Variants in CRB2 observed in about 807,000 individuals in gnomAD.
The protein encoded by CRB2 is protein crumbs homolog 2.
A neutral mutation model predicts 110.9 loss-of-function variants in CRB2; 85 were observed. The observed-to-expected ratio is 0.77, with a 90% CI of 0.64 to 0.92. The LOEUF is 0.92. CRB2 is among the 40% of genes least tolerant of loss of function. CRB2 has a pLI of 0.00. For missense variants in CRB2, 1,843 were observed against 1,851.3 expected (o/e 1.00, Z 0.08); for synonymous variants, 907 against 831.0 (o/e 1.09, Z -1.57).
At chr9:123,368,807 C>A in intron 6 of CRB2, 1 of 1,207,508 alleles carries the variant, frequency 8.3e-7, no homozygotes, top group Non-Finnish European at 1.1e-6. Flanking sequence ...AAGGAGGCAG[C>A]TGGGCCAGGC....
Position 123,370,996 on chromosome 9 carries a change from G to C in CRB2, c.1927+16G>C. ...TGCGCTGATGGTGAGGAATAAGCCA[G>C]GTGGGAAGGCAGCACCTGAGATCTG... On this transcript the variant is annotated intron_variant, in intron 7 of 12. Transcript: ENST00000373631. 1 of 1,597,900 alleles carries C rather than the reference G, an allele frequency of 6.3e-7. No individual in the cohort carries two copies. The highest frequency in any genetic ancestry group is 2.2e-5 in the East Asian group (1 of 44,678).
chr9:123,373,694 C>G lies in CRB2; in HGVS notation c.3163C>G (p.Arg1055Gly), dbSNP rs760052936. 1 of 1,484,658 alleles carries G rather than the reference C, an allele frequency of 6.7e-7. No homozygotes were observed. The highest frequency in any genetic ancestry group is 8.9e-7 in the Non-Finnish European group (1 of 1,128,960). 92.0% of individuals were successfully genotyped at this position (1,484,658 alleles called of 1,614,324 possible). The change falls in exon 10 of 13, where the codon CGC (arginine) becomes GGC (glycine). Residue 1055 changes from arginine to glycine, a missense_variant. Coordinates refer to ENST00000373631, the MANE Select transcript of CRB2 (RefSeq NM_173689.7). The part of the protein sequence containing the change: ...PGTPAPILGC[R>G]GAPVCAPSPC... ...GACGCCGGCCCCGATCCTCGGCTGC[C>G]GCGGCGCGCCCGTGTGTGCGCCCTC...
At chr9:123,360,430 C>T (rs929786544) in intron 1 of CRB2, among the ~76,000 whole-genome samples, 1 of 152,196 alleles carries the variant, frequency 6.6e-6, no homozygotes, top group Non-Finnish European at 1.5e-5. Flanking sequence ...GGGGACAGCC[C>T]CTCCTCCGCC....
At position 123,370,530 on chromosome 9, in the gene CRB2, C is replaced by T. The variant is rs1333576383; in HGVS notation, c.1477C>T (p.Leu493Phe). The change falls in exon 7 of 13, where the codon CTT becomes TTT. Residue 493 changes from leucine to phenylalanine, a missense_variant. Physicochemically the swap from Leu to Phe is conservative, Grantham distance 22. Transcript: ENST00000373631. ...GGAGCTGGCATTGGTGGCAGCCACACTTCAGGCCACACTCTGGAGCTACAG... is the reference window on the plus strand; with the variant it reads ...GGAGCTGGCATTGGTGGCAGCCACATTTCAGGCCACACTCTGGAGCTACAG... ...SLELALVAAT[L>F]QATLWSYSTT... 1 of 1,613,616 alleles carries T rather than the reference C, an allele frequency of 6.2e-7. No individual in the cohort carries two copies. The highest frequency in any genetic ancestry group is 8.5e-7 in the Non-Finnish European group (1 of 1,180,038).
chr9:123,359,441 GTTTTT>G (rs375773781), intron 1 of CRB2, among the ~76,000 whole-genome samples: 11 of 94,442 alleles, frequency 1.2e-4, no homozygotes, highest in African/African-American at 5.8e-4. Context: ...TTTTTGTTTT[GTTTTT>G]TTTTTTTTTT....
upstream of CRB2, among the ~76,000 whole-genome samples, chr9:123,354,686 CTG>C (rs1297962803): frequency 2.0e-5 from 3 of 152,180 alleles, no homozygotes; most frequent in Non-Finnish European, 4.4e-5. Context: ...TAAAGATGGA[CTG>C]AGAGAGGTTA....
At chr9:123,376,810 T>A in intron 12 of CRB2, 28 bp from the exon 13 acceptor site, 1 of 1,585,396 alleles carries the variant, frequency 6.3e-7, no homozygotes, top group Non-Finnish European at 8.6e-7. Context: ...CTCTGCGGTC[T>A]TAGGCCTCGG....
intron 2 of CRB2, among the ~76,000 whole-genome samples, chr9:123,364,389 G>A (rs1195092579): frequency 6.6e-6 from 1 of 152,140 alleles, no homozygotes; most frequent in Non-Finnish European, 1.5e-5. Flanking sequence ...TGTGCATCCG[G>A]ATGTGTAGCA....
intron 1 of CRB2, among the ~76,000 whole-genome samples, chr9:123,360,495 C>T (rs1167249276): frequency 6.6e-6 from 1 of 152,120 alleles, no homozygotes; most frequent in Non-Finnish European, 1.5e-5. Context: ...CCTGGGCTAT[C>T]GTGGCCTCCT....
Position 123,363,199 on chromosome 9 carries a change from G to C in CRB2, c.418+11G>C. On this transcript the variant is annotated intron_variant, in intron 2 of 12. Coordinates refer to ENST00000373631, the MANE Select transcript of CRB2 (RefSeq NM_173689.7). ...CCCTTGGCTATGCAGGTAACAGCCTGGGCCGCCCTGGGAGGAGGTCTGTAA... is the reference window on the plus strand; with the variant it reads ...CCCTTGGCTATGCAGGTAACAGCCTCGGCCGCCCTGGGAGGAGGTCTGTAA... The C allele has an allele frequency of 6.3e-7, 1 of 1,588,190 alleles. No individual in the cohort carries two copies. The highest frequency in any genetic ancestry group is 8.6e-7 in the Non-Finnish European group (1 of 1,165,392).
In CRB2 at chr9:123,370,923, T is replaced by C; in HGVS notation, c.1870T>C (p.Trp624Arg). The change falls in exon 7 of 13, where the codon TGG becomes CGG. Residue 624 changes from tryptophan to arginine, a missense_variant. Physicochemically the swap from Trp to Arg is moderately radical, Grantham distance 101. Transcript: ENST00000373631. The part of the protein sequence containing the change: ...CVHGGSCVDL[W>R]THFRCDCARP... The stretch of plus-strand genomic sequence containing the variant: ...CCACGGAGGGTCCTGTGTGGATCTG[T>C]GGACTCATTTCCGTTGCGACTGTGC... 1 of 1,611,198 alleles carries C rather than the reference T, an allele frequency of 6.2e-7. No homozygotes were observed. Among genetic ancestry groups the C allele is most frequent in the Non-Finnish European group, 8.5e-7 (1 of 1,178,656 alleles).
rs753016438 is a variant in CRB2 at position 123,367,598 on chromosome 9, C to G, written c.966C>G (p.Asp322Glu). 3 of 1,562,324 alleles carry G rather than the reference C, an allele frequency of 1.9e-6. No individual in the cohort carries two copies. Among genetic ancestry groups the G allele is most frequent in the Non-Finnish European group, 2.6e-6 (3 of 1,154,234 alleles). ...FEGADCGVEV[D>E]ECASRPCLNG... is the part of the protein sequence containing the mutation. ...GAGCCGACTGCGGTGTGGAGGTGGACGAGTGTGCCTCACGGCCATGCCTCA... is the reference window on the plus strand; with the variant it reads ...GAGCCGACTGCGGTGTGGAGGTGGAGGAGTGTGCCTCACGGCCATGCCTCA... The change falls in exon 6 of 13, where the codon GAC (aspartate) becomes GAG (glutamate). Residue 322 changes from aspartate to glutamate, a missense_variant. Transcript: ENST00000373631.
At position 123,365,807 on chromosome 9, in the gene CRB2, CTGAA is replaced by C; in HGVS notation, c.419-100_419-97del. On this transcript the variant is annotated intron_variant, in intron 2 of 12. Transcript: ENST00000373631. ...CAACCACCACCACCACCATCCGGCT[CTGAA>C]TGAATGAATCCACGAGTCTCTAACT... 7.0e-6 allele frequency: 7 copies of C among 995,484 alleles called. 1 individual carries two copies. In the South Asian group the frequency reaches 1.1e-4, roughly 16 times the overall value. The allele number at this position is 995,484 out of a possible 1,614,324, so 61.7% of individuals were successfully genotyped here. A position where few individuals can be genotyped will look rare whatever the true frequency, so the allele number is the denominator to read the frequency against.
intron 6 of CRB2, 66 bp downstream of exon 6, chr9:123,367,752 C>T: frequency 9.3e-7 from 1 of 1,078,760 alleles, no homozygotes. Context: ...AAGGTCCCTT[C>T]TGTCTGGATG....
At chr9:123,374,723 GGAGGTCCAAT>G (rs1564379055) in intron 11 of CRB2, 28 bp downstream of exon 11, 2 of 1,532,976 alleles carry the variant, frequency 1.3e-6, no homozygotes, top group Non-Finnish European at 1.8e-6. Flanking sequence ...GGAACTGTGA[GGAGGTCCAAT>G]GAATGTGGAG....
intron 4 of CRB2, among the ~76,000 whole-genome samples, chr9:123,366,700 C>T (rs1166782504): frequency 6.6e-6 from 1 of 152,130 alleles, no homozygotes; most frequent in Non-Finnish European, 1.5e-5. Flanking sequence ...AGCCTGTAAT[C>T]CCAGCACTTT....
In CRB2 at chr9:123,378,270, A is replaced by T. The variant is rs543676287; in HGVS notation, c.*1208A>T. The T allele has an allele frequency of 3.3e-4, 50 of 152,396 alleles. No individual in the cohort carries two copies. The highest frequency in any genetic ancestry group is 9.1e-4 in the African/African-American group (38 of 41,580). 9.4% of individuals were successfully genotyped at this position (152,396 alleles called of 1,614,324 possible). ...CTTGCTCCCAGCCCCTTCCCCGGCG[A>T]TGCCCATCACACTGTGACCTCCCAT... On this transcript the variant is annotated 3_prime_UTR_variant, in exon 13 of 13. Coordinates refer to ENST00000373631, the MANE Select transcript of CRB2 (RefSeq NM_173689.7).
chr9:123,361,887 T>C (rs990916410), intron 1 of CRB2, among the ~76,000 whole-genome samples: 1 of 151,610 alleles, frequency 6.6e-6, no homozygotes, highest in African/African-American at 2.4e-5. Flanking sequence ...CTGGGCATTG[T>C]GGTGACAAGG....
chr9:123,367,417 G>GGGCCCCCCCCCCCCC, intron 5 of CRB2, 60 bp downstream of exon 5: 1 of 1,269,252 alleles, frequency 7.9e-7, no homozygotes, highest in Non-Finnish European at 1.0e-6. Context: ...GGGATCTTGT[G>GGGCCCCCCCCCCCCC]CCCACCCCCC....
Sources: gnomAD v4.1 joint callset for allele counts (sites outside exome capture counted in the v4.1 genomes callset) on GRCh38, gnomAD v4.1.1 for gene constraint, MANE v1.5 for transcripts, NCBI Gene and HGNC (gene_info 2026-07-23, HGNC 2026-07-21) for gene names.